Variants in TRMT11 observed in about 807,000 individuals in gnomAD.
TRMT11 encodes tRNA (guanine(10)-N(2))-methyltransferase TRMT11.
A neutral mutation model predicts 62.8 loss-of-function variants in TRMT11; 53 were observed. The observed-to-expected ratio is 0.84, with a 90% confidence interval of 0.68 to 1.06. The LOEUF (loss-of-function observed/expected upper bound fraction) is 1.06. Ranked by LOEUF, TRMT11 falls within the 50% of genes least tolerant of loss-of-function variation. The probability of loss-of-function intolerance (pLI) is 0.00; values close to 1 mark genes in which losing one functional copy is unlikely to be tolerated. For synonymous variants in TRMT11, 188 were observed against 190.3 expected (o/e 0.99, Z 0.10); for missense variants, 556 against 553.4 (o/e 1.00, Z -0.05).
intron 17 of TRMT11, among the ~76,000 whole-genome samples, chr6:126,085,549 C>T (rs1777207040): frequency 6.6e-6 from 1 of 152,120 alleles, no homozygotes; most frequent in Non-Finnish European, 1.5e-5. Context: ...CGGCCCTGAT[C>T]GTGCCTTAAT....
chr6:126,194,033 C>T (rs1246869237), intron 1 of TRMT11, among the ~76,000 whole-genome samples: 1 of 152,058 alleles, frequency 6.6e-6, no homozygotes, highest in Non-Finnish European at 1.5e-5. Flanking sequence ...AGAAAAGATA[C>T]TTCATATGGT....
downstream of TRMT11, among the ~76,000 whole-genome samples, chr6:126,039,763 T>C (rs1476443162): frequency 6.6e-6 from 1 of 152,016 alleles, no homozygotes; most frequent in Non-Finnish European, 1.5e-5. Context: ...CTCAGCAGGG[T>C]GGCAGTAAAT....
chr6:126,138,186 A>G (rs1016066004), intron 21 of TRMT11, among the ~76,000 whole-genome samples: 5 of 151,968 alleles, frequency 3.3e-5, no homozygotes, highest in African/African-American at 1.2e-4. Context: ...CTTGATCACT[A>G]TATGTTGTAT....
intron 1 of TRMT11, among the ~76,000 whole-genome samples, chr6:126,195,548 A>G (rs914992684): frequency 6.6e-6 from 1 of 152,214 alleles, no homozygotes; most frequent in Non-Finnish European, 1.5e-5. Context: ...TCTGGGCTTT[A>G]AAAATATGTA....
intron 7 of TRMT11, among the ~76,000 whole-genome samples, chr6:126,000,075 G>T (rs1265877630): frequency 6.6e-6 from 1 of 152,118 alleles, no homozygotes; most frequent in African/African-American, 2.4e-5. Flanking sequence ...CTTTGAGTTG[G>T]TTTATGGAGG....
chr6:126,242,591 G>A, the TRMT11 span, among the ~76,000 whole-genome samples: 3 of 152,146 alleles, frequency 2.0e-5, no homozygotes, highest in Admixed American at 1.3e-4. Flanking sequence ...CAGAGTTATA[G>A]ACAAATGGAA....
intron 1 of TRMT11, 86 bp from the exon 2 acceptor site, chr6:125,993,671 T>G (rs377072623): frequency 2.5e-5 from 19 of 748,936 alleles, no homozygotes; most frequent in Admixed American, 1.5e-4. Context: ...ACTCTTATTT[T>G]TTAGTCATGT....
intron 17 of TRMT11, among the ~76,000 whole-genome samples, chr6:126,102,731 T>C (rs1384814648): frequency 1.3e-5 from 2 of 152,112 alleles, no homozygotes; most frequent in Non-Finnish European, 2.9e-5. Flanking sequence ...GCAGTTCTTT[T>C]ACTGAACTGC....
the TRMT11 span, among the ~76,000 whole-genome samples, chr6:126,239,251 C>T: frequency 2.0e-5 from 3 of 152,026 alleles, no homozygotes; most frequent in African/African-American, 7.2e-5. Context: ...CCTGTCATTA[C>T]GATGTTAGCT....
At chr6:126,140,579 G>T (rs1157514489) in intron 21 of TRMT11, among the ~76,000 whole-genome samples, 2 of 152,010 alleles carry the variant, frequency 1.3e-5, no homozygotes, top group African/African-American at 4.8e-5. Context: ...AATTCTTTGA[G>T]CTGATTTTGA....
At chr6:125,997,225 C>G (rs1460364942) in intron 3 of TRMT11, among the ~76,000 whole-genome samples, 1 of 152,042 alleles carries the variant, frequency 6.6e-6, no homozygotes, top group East Asian at 1.9e-4. Context: ...AGCCTTTTCT[C>G]TGTAAATTCA....
At chr6:126,116,385 A>G (rs1299762438) in intron 21 of TRMT11, among the ~76,000 whole-genome samples, 1 of 152,112 alleles carries the variant, frequency 6.6e-6, no homozygotes, top group Admixed American at 6.6e-5. Flanking sequence ...GAGAGTATTA[A>G]TCAGAGATAA....
At chr6:126,042,253 C>A (rs1775901507), downstream of TRMT11, among the ~76,000 whole-genome samples, 1 of 152,098 alleles carries the variant, frequency 6.6e-6, no homozygotes, top group African/African-American at 2.4e-5. Flanking sequence ...GGAACCTGAC[C>A]CCTTTCCCTT....
At chr6:126,078,555 C>T (rs1029863812) in intron 17 of TRMT11, among the ~76,000 whole-genome samples, 13 of 152,128 alleles carry the variant, frequency 8.5e-5, no homozygotes, top group African/African-American at 1.4e-4. Context: ...GTTGTAACGT[C>T]GTCCTTACTG....
At chr6:126,108,496 AATC>A (rs1483216294) in intron 17 of TRMT11, among the ~76,000 whole-genome samples, 17 of 152,344 alleles carry the variant, frequency 1.1e-4, no homozygotes, top group African/African-American at 3.4e-4. Flanking sequence ...TACTTTATGT[AATC>A]ATCATAACAA....
the TRMT11 span, among the ~76,000 whole-genome samples, chr6:126,214,531 C>T: frequency 6.6e-6 from 1 of 151,856 alleles, no homozygotes; most frequent in Non-Finnish European, 1.5e-5. Context: ...CGTAGTTGCT[C>T]ATAGTAGCCT....
intron 17 of TRMT11, among the ~76,000 whole-genome samples, chr6:126,055,117 A>G (rs1166962341): frequency 6.6e-6 from 1 of 152,134 alleles, no homozygotes; most frequent in African/African-American, 2.4e-5. Flanking sequence ...GGCACATGGC[A>G]CTTCACTCAT....
intron 21 of TRMT11, among the ~76,000 whole-genome samples, chr6:126,119,590 T>C (rs1385178236): frequency 6.6e-6 from 1 of 151,898 alleles, no homozygotes; most frequent in Non-Finnish European, 1.5e-5. Flanking sequence ...AAAGTACCAA[T>C]GGACCGGTGT....
At position 126,012,824 on chromosome 6, in the gene TRMT11, C is replaced by A. The variant is rs1331711966; in HGVS notation, c.979C>A (p.Pro327Thr). 6.2e-7 allele frequency: 1 copy of A among 1,613,544 alleles called. No individual in the cohort carries two copies. Among genetic ancestry groups the A allele is most frequent in the Non-Finnish European group, 8.5e-7 (1 of 1,179,642 alleles). ...TRRTGSQKEI[P>T]KGIEKWEKCP... ...AAGAACAGGTTCACAGAAGGAGATA[C>A]CAAAGGGGATAGAAAAATGGGAAAA... Residue 327 changes from proline (P) to threonine (T), a missense_variant, in exon 10 of 13, where the codon CCA becomes ACA. Physicochemically the swap from Pro to Thr is conservative, Grantham distance 38 (BLOSUM62 -1). Coordinates refer to ENST00000334379, the MANE Select transcript of TRMT11 (RefSeq NM_001031712.3).
Sources: allele counts gnomAD v4.1 joint callset (sites outside exome capture counted in the v4.1 genomes callset), GRCh38; gene constraint gnomAD v4.1.1; transcripts MANE v1.5; gene names NCBI Gene and HGNC (gene_info 2026-07-23, HGNC 2026-07-21).